The following TMEM245 variants were observed in gnomAD, a reference collection of about 807,000 sequenced individuals.
The protein encoded by TMEM245 is protein CG-2.
Under a neutral mutation model 101.2 loss-of-function variants are expected in TMEM245, and 69 were observed. The observed-to-expected ratio is 0.68, with a 90% CI of 0.56 to 0.83. The LOEUF (loss-of-function observed/expected upper bound fraction) is 0.83, where lower values mean the gene tolerates loss of function less well. Ranked by LOEUF, TMEM245 falls within the 40% of genes least tolerant of loss-of-function variation. TMEM245 has a pLI of 0.00. For missense variants in TMEM245, 1,075 were observed against 1,092.8 expected (o/e 0.98, Z 0.23); for synonymous variants, 537 against 449.8 (o/e 1.19, Z -2.45).
intron 8 of TMEM245, among the ~76,000 whole-genome samples, chr9:109,079,677 GA>G (rs1164583147): frequency 6.6e-6 from 1 of 151,388 alleles, no homozygotes; most frequent in African/African-American, 2.4e-5. Context: ...GATGAACAAA[GA>G]AAAAGGACTT....
At chr9:109,095,965 G>C (rs1830129107) in intron 3 of TMEM245, among the ~76,000 whole-genome samples, 1 of 152,206 alleles carries the variant, frequency 6.6e-6, no homozygotes, top group African/African-American at 2.4e-5. Flanking sequence ...CATGATGCCA[G>C]TGTGGTCTAC....
chr9:109,078,088 A>G (rs1480537838), intron 8 of TMEM245, among the ~76,000 whole-genome samples: 1 of 152,098 alleles, frequency 6.6e-6, no homozygotes, highest in Non-Finnish European at 1.5e-5. Flanking sequence ...AACTTATCTA[A>G]ATCTTATCTC....
At chr9:109,115,690 C>T (rs1564215898) in intron 1 of TMEM245, among the ~76,000 whole-genome samples, 3 of 151,838 alleles carry the variant, frequency 2.0e-5, no homozygotes, top group East Asian at 1.9e-4. Flanking sequence ...CCGTCACACC[C>T]GGCTAATTTT....
intron 3 of TMEM245, among the ~76,000 whole-genome samples, chr9:109,102,862 G>C (rs558077708): frequency 6.6e-6 from 1 of 152,338 alleles, no homozygotes; most frequent in African/African-American, 2.4e-5. Flanking sequence ...TTGGTCAACT[G>C]TAGAAGCTTT....
chr9:109,073,194 A>G, intron 9 of TMEM245, 162 bp downstream of exon 9: 1 of 615,056 alleles, frequency 1.6e-6, no homozygotes, highest in East Asian at 2.8e-5. Context: ...CACCCTCTGT[A>G]TTACATGACA....
chr9:109,090,878 A>T lies in TMEM245; in HGVS notation c.1150+44T>A, dbSNP rs772316500. 8 of 1,549,192 alleles carry T rather than the reference A, an allele frequency of 5.2e-6. No homozygotes were observed. In the Admixed American group the frequency reaches 1.6e-4, roughly 30 times the overall value. The stretch of plus-strand genomic sequence containing the variant: ...CCAAAAGTAAAAAAAGAAAAAAATC[A>T]ATCTTCAAAGACAAGACGAGATCGT... On this transcript the variant is annotated intron_variant, in intron 5 of 17. Coordinates refer to ENST00000374586, the MANE Select transcript of TMEM245 (RefSeq NM_032012.4).
chr9:109,119,697 C>T lies in TMEM245; in HGVS notation c.217G>A (p.Val73Ile), dbSNP rs747677056. The change falls in exon 1 of 18, where the codon GTC (valine) becomes ATC (isoleucine). Residue 73 changes from valine (V) to isoleucine (I), a missense_variant. Physicochemically the swap from Val to Ile is conservative, Grantham distance 29. Transcript: ENST00000374586. ...AGGAAGGCCTCCAGGATGAAGTAGACCAGCACCGCGGCGCCGCAGCACAGG... is the reference window on the plus strand; with the variant it reads ...AGGAAGGCCTCCAGGATGAAGTAGATCAGCACCGCGGCGCCGCAGCACAGG... ...VCLCCGAAVLVYFILEAFLRP... is the reference protein window; with the variant it reads ...VCLCCGAAVLIYFILEAFLRP... 4.5e-6 allele frequency: 7 copies of T among 1,552,210 alleles called. No individual in the cohort carries two copies. Among genetic ancestry groups the T allele is most frequent in the Non-Finnish European group, 6.1e-6 (7 of 1,152,416 alleles).
intron 5 of TMEM245, among the ~76,000 whole-genome samples, chr9:109,090,254 C>T (rs988986448): frequency 2.0e-5 from 3 of 151,666 alleles, no homozygotes; most frequent in Non-Finnish European, 2.9e-5. Flanking sequence ...GAGCGAGACT[C>T]CGTCTCAAAA....
chr9:109,084,633 T>C (rs980897504), intron 7 of TMEM245, among the ~76,000 whole-genome samples: 2 of 152,234 alleles, frequency 1.3e-5, no homozygotes, highest in African/African-American at 2.4e-5. Context: ...TGAGCTTTCA[T>C]TGTGCCACTG....
chr9:109,022,193 T>TA (rs1353255817), intron 17 of TMEM245, among the ~76,000 whole-genome samples: 1 of 152,192 alleles, frequency 6.6e-6, no homozygotes, highest in African/African-American at 2.4e-5. Flanking sequence ...GATGTTCAGT[T>TA]ATCTCAAGGC....
chr9:109,111,204 C>T lies in TMEM245; in HGVS notation c.580-2634G>A, dbSNP rs186240974. On this transcript the variant is annotated intron_variant, in intron 1 of 17. Coordinates refer to ENST00000374586, the MANE Select transcript of TMEM245 (RefSeq NM_032012.4). ...TTCTGTGGTTCTGAGAGCAGAAATA[C>T]GTGGGAATTAGGAAATAACACAGCT... Among the ~76,000 whole-genome samples the T allele has an allele frequency of 3.5e-3, 534 of 152,150 alleles. 2 individuals are homozygous for T. The highest frequency in any genetic ancestry group is 4.4e-3 in the Non-Finnish European group (299 of 67,966).
At chr9:109,077,207 G>A (rs1345251350) in intron 8 of TMEM245, among the ~76,000 whole-genome samples, 1 of 152,040 alleles carries the variant, frequency 6.6e-6, no homozygotes, top group Non-Finnish European at 1.5e-5. Flanking sequence ...CTGACATGCA[G>A]TGGCACGATC....
intron 17 of TMEM245, among the ~76,000 whole-genome samples, chr9:109,024,146 T>C (rs1385658716): frequency 2.0e-5 from 3 of 152,208 alleles, no homozygotes; most frequent in African/African-American, 4.8e-5. Flanking sequence ...AGTTAAGTTA[T>C]GGATGCCTGA....
intron 4 of TMEM245, among the ~76,000 whole-genome samples, chr9:109,092,789 T>G (rs1830041983): frequency 6.6e-6 from 1 of 152,210 alleles, no homozygotes; most frequent in Admixed American, 6.5e-5. Flanking sequence ...GAGTACAGCA[T>G]GACTCTACAG....
intron 3 of TMEM245, among the ~76,000 whole-genome samples, chr9:109,099,048 G>C (rs2132607521): frequency 6.6e-6 from 1 of 152,314 alleles, no homozygotes; most frequent in East Asian, 1.9e-4. Context: ...CACAGGGATA[G>C]CAGCAGTTAC....
chr9:109,114,128 T>C (rs927359749), intron 1 of TMEM245, among the ~76,000 whole-genome samples: 2 of 152,222 alleles, frequency 1.3e-5, no homozygotes, highest in Non-Finnish European at 2.9e-5. Context: ...TCCCAAGTTA[T>C]GGAGCCACAG....
chr9:109,022,385 T>G (rs1047500656), intron 17 of TMEM245, among the ~76,000 whole-genome samples: 2 of 152,202 alleles, frequency 1.3e-5, no homozygotes, highest in Admixed American at 6.5e-5. Context: ...TTGAAATGAA[T>G]TTTCTTTCCT....
chr9:109,029,985 A>G (rs1827900248), intron 17 of TMEM245, among the ~76,000 whole-genome samples: 1 of 152,230 alleles, frequency 6.6e-6, no homozygotes. Flanking sequence ...ATATATGACA[A>G]GGCTCAAATA....
chr9:109,033,274 A>C, intron 17 of TMEM245, 33 bp downstream of exon 17: 2 of 1,559,668 alleles, frequency 1.3e-6, no homozygotes, highest in Non-Finnish European at 1.7e-6. Flanking sequence ...TCAATGTATA[A>C]ATACAGCTTA....
Sources: allele counts gnomAD v4.1 joint callset (sites outside exome capture counted in the v4.1 genomes callset), GRCh38; gene constraint gnomAD v4.1.1; transcripts MANE v1.5; gene names NCBI Gene and HGNC (gene_info 2026-07-23, HGNC 2026-07-21).